The following HELLS variants were observed in gnomAD, a reference collection of about 807,000 sequenced individuals.
The protein encoded by HELLS is helicase, lymphoid specific, also known as lymphoid-specific helicase.
Under a neutral mutation model 120.0 loss-of-function variants are expected in HELLS, and 32 were observed. The observed-to-expected ratio is 0.27, with a 90% confidence interval of 0.20 to 0.36. The LOEUF (loss-of-function observed/expected upper bound fraction) is 0.36, where lower values mean the gene tolerates loss of function less well. Ranked by LOEUF, HELLS falls within the 10% of genes least tolerant of loss-of-function variation. The pLI, the probability that HELLS is intolerant of heterozygous loss-of-function variation, is 1.00. For missense variants in HELLS, 650 were observed against 993.4 expected (o/e 0.65, Z 4.65); for synonymous variants, 341 against 323.4 (o/e 1.05, Z -0.58).
chr10:94,551,491 C>G (rs531061844), intron 2 of HELLS, among the ~76,000 whole-genome samples: 1 of 151,744 alleles, frequency 6.6e-6, no homozygotes, highest in African/African-American at 2.4e-5. Context: ...TGCTTGAACC[C>G]GGGAGGCGGA....
At chr10:94,599,983 T>C (rs1011694875) in intron 21 of HELLS, among the ~76,000 whole-genome samples, 1 of 152,204 alleles carries the variant, frequency 6.6e-6, no homozygotes, top group African/African-American at 2.4e-5. Context: ...CTTGAATTTT[T>C]CTTCTAATTA....
At chr10:94,573,931 A>G in intron 7 of HELLS, 29 bp from the exon 8 acceptor site, 1 of 1,308,168 alleles carries the variant, frequency 7.6e-7, no homozygotes, top group South Asian at 1.3e-5. Context: ...TTTGTATAAC[A>G]CATCTTATTA....
intron 3 of HELLS, chr10:94,557,200 C>G: frequency 2.4e-6 from 1 of 422,540 alleles, no homozygotes; most frequent in South Asian, 1.7e-5. Flanking sequence ...GATTTAAAAA[C>G]TTGTGCAAAT....
intron 8 of HELLS, chr10:94,607,824 G>A: frequency 3.5e-6 from 1 of 287,032 alleles, no homozygotes; most frequent in Non-Finnish European, 7.2e-6. Flanking sequence ...TCCGAGCGGG[G>A]TCCAGCGATT....
chr10:94,609,341 A>G (rs1846165215), intron 9 of HELLS, among the ~76,000 whole-genome samples: 2 of 152,094 alleles, frequency 1.3e-5, no homozygotes, highest in South Asian at 4.1e-4. Context: ...CCACTTTACC[A>G]TCCACATTAG....
chr10:94,596,029 C>G (rs1399893540), intron 19 of HELLS, among the ~76,000 whole-genome samples: 2 of 151,976 alleles, frequency 1.3e-5, no homozygotes, highest in Non-Finnish European at 2.9e-5. Context: ...CTTTTTTACC[C>G]AGGTTGTTCT....
At chr10:94,609,515 G>A (rs1846167392) in intron 9 of HELLS, among the ~76,000 whole-genome samples, 2 of 152,186 alleles carry the variant, frequency 1.3e-5, no homozygotes, top group Non-Finnish European at 1.5e-5. Flanking sequence ...TTCTCTTACT[G>A]TAGATGAAAT....
intron 21 of HELLS, among the ~76,000 whole-genome samples, chr10:94,598,674 C>T (rs1461936253): frequency 6.8e-6 from 1 of 147,972 alleles, no homozygotes; most frequent in Non-Finnish European, 1.5e-5. Context: ...CCTGTCTCTT[C>T]ACTTACTTAC....
intron 10 of HELLS, among the ~76,000 whole-genome samples, chr10:94,580,281 C>G (rs939076265): frequency 2.0e-5 from 3 of 149,126 alleles, no homozygotes; most frequent in Non-Finnish European, 4.4e-5. Context: ...CTCCCGGGCT[C>G]AAGCAATTCT....
In HELLS at chr10:94,580,149, ATATAT is replaced by A. The variant is rs1368565077; in HGVS notation, c.1033-1176_1033-1172del. On this transcript the variant is annotated intron_variant, in intron 10 of 21. Transcript: ENST00000348459. ...TATATATATATATATATATATATAT[ATATAT>A]ATATATATACACACACACACACACA... Among the ~76,000 whole-genome samples the A allele has an allele frequency of 9.4e-3, 768 of 81,508 alleles. 17 individuals carry two copies. Among genetic ancestry groups the A allele is most frequent in the Non-Finnish European group, 0.013 (586 of 44,556 alleles). The allele number at this position is 81,508 out of a possible 152,430, so 53.5% of individuals were successfully genotyped here. A position where few individuals can be genotyped will look rare whatever the true frequency, so the allele number is the denominator to read the frequency against.
At chr10:94,571,721 ATGTGGATATAAACCG>A (rs1224182151) in intron 7 of HELLS, among the ~76,000 whole-genome samples, 1 of 152,338 alleles carries the variant, frequency 6.6e-6, no homozygotes, top group East Asian at 1.9e-4. Context: ...GCTCGTAACC[ATGTGGATATAAACCG>A]TGAATCATCT....
In HELLS at chr10:94,581,391, A is replaced by G. The variant is rs753839228; in HGVS notation, c.1098A>G (p.Leu366=). The G allele has an allele frequency of 6.2e-7, 1 of 1,611,816 alleles. No individual in the cohort carries two copies. Residue 366 remains leucine, a synonymous_variant, in exon 11 of 22, where the codon CTA becomes CTG. Coordinates refer to ENST00000348459, the MANE Select transcript of HELLS (RefSeq NM_018063.5). ...GGATTAAGAATATGAAGTGCCGTCTAATCAGGGAGTTAAAACGATTCAATG... is the reference window on the plus strand; with the variant it reads ...GGATTAAGAATATGAAGTGCCGTCTGATCAGGGAGTTAAAACGATTCAATG... ...GHRIKNMKCR[L]IRELKRFNAD...
At chr10:94,612,767 A>G (rs1361279417) in exon 10 of HELLS, 1 of 152,168 alleles carries the variant, frequency 6.6e-6, no homozygotes, top group Non-Finnish European at 1.5e-5. Flanking sequence ...CTCCACTAAA[A>G]CAAAAAGTTT....
chr10:94,603,844 C>CT (rs1447913364), downstream of HELLS, among the ~76,000 whole-genome samples: 1 of 119,710 alleles, frequency 8.4e-6, no homozygotes, highest in Non-Finnish European at 1.8e-5. Flanking sequence ...TTTTTTTCCC[C>CT]TTTTTTTGAG....
intron 2 of HELLS, among the ~76,000 whole-genome samples, chr10:94,547,222 G>T (rs900514805): frequency 6.6e-6 from 1 of 152,146 alleles, no homozygotes; most frequent in Non-Finnish European, 1.5e-5. Flanking sequence ...TGACTCTTAA[G>T]TACTGCCTAG....
chr10:94,554,036 TATTTTAGCC>T (rs1013308202), intron 2 of HELLS, 81 bp from the exon 3 acceptor site: 37 of 1,187,532 alleles, frequency 3.1e-5, no homozygotes, highest in Non-Finnish European at 4.2e-5. Context: ...TAAAAAATGT[TATTTTAGCC>T]ATTTTTATTA....
exon 10 of HELLS, chr10:94,611,281 A>C (rs1846191137): frequency 6.6e-6 from 1 of 152,198 alleles, no homozygotes; most frequent in Admixed American, 6.5e-5. Flanking sequence ...GTTAGTGCAC[A>C]AAAGGACATT....
Position 94,581,330 on chromosome 10 carries a change from G to A in HELLS, c.1037G>A (p.Cys346Tyr), listed in dbSNP as rs763173493. ...TTTCCTCAATTCGTTTTCTAGCATTGCTATTGGAAATACTTAATAGTAGAT... is the reference window on the plus strand; with the variant it reads ...TTTCCTCAATTCGTTTTCTAGCATTACTATTGGAAATACTTAATAGTAGAT... The part of the protein sequence containing the change: ...AMRDRNALQH[C>Y]YWKYLIVDEG... Residue 346 changes from cysteine (C) to tyrosine (Y), a missense_variant, in exon 11 of 22, where the codon TGC (cysteine) becomes TAC (tyrosine). Transcript: ENST00000348459. 5 of 1,528,722 alleles carry A rather than the reference G, an allele frequency of 3.3e-6. No homozygotes were observed. Among genetic ancestry groups the A allele is most frequent in the Admixed American group, 2.2e-5 (1 of 45,240 alleles). The allele number at this position is 1,528,722 out of a possible 1,614,324, so 94.7% of individuals were successfully genotyped here.
chr10:94,586,834 T>C (rs1348044559), intron 12 of HELLS, among the ~76,000 whole-genome samples: 1 of 151,918 alleles, frequency 6.6e-6, no homozygotes, highest in East Asian at 1.9e-4. Context: ...TGGGATTCTG[T>C]AATCCCGCCA....
Sources: allele counts gnomAD v4.1 joint callset (sites outside exome capture counted in the v4.1 genomes callset), GRCh38; gene constraint gnomAD v4.1.1; transcripts MANE v1.5; gene names NCBI Gene and HGNC (gene_info 2026-07-23, HGNC 2026-07-21).